The following KRT5 variants were observed in gnomAD, a reference collection of about 807,000 sequenced individuals.
KRT5 encodes the protein keratin, type II cytoskeletal 5.
KRT5 carries 17 observed loss-of-function variants against 44.0 expected under a neutral mutation model. The observed-to-expected ratio is 0.39, with a 90% CI of 0.26 to 0.58. The LOEUF is 0.58. Among genes scored for constraint, KRT5 ranks in the 20% least tolerant of loss-of-function variants. The probability of loss-of-function intolerance (pLI) is 0.61; values close to 1 mark genes in which losing one functional copy is unlikely to be tolerated. For synonymous variants in KRT5, 329 were observed against 312.8 expected, an observed-to-expected ratio of 1.05 and a Z score of -0.55; for missense variants, 737 against 785.5, an observed-to-expected ratio of 0.94 and a Z score of 0.74.
intron 6 of KRT5, 89 bp from the exon 7 acceptor site, chr12:52,516,946 A>T: frequency 6.5e-7 from 1 of 1,544,978 alleles, no homozygotes; most frequent in African/African-American, 1.4e-5. Flanking sequence ...AACTATCATG[A>T]ATCCCAGAGA....
In KRT5 at chr12:52,514,921, G is replaced by A. The variant is rs11549959; in HGVS notation, c.*21C>T. On this transcript the variant is annotated 3_prime_UTR_variant, in exon 9 of 9. Transcript: ENST00000252242. Reference sequence around the variant, plus strand: ...TGGGCTGGGTTGCTGCACTTGGAAGGCAGTGACTTGCAGCAGGTTCTTAGC... The same window carrying A: ...TGGGCTGGGTTGCTGCACTTGGAAGACAGTGACTTGCAGCAGGTTCTTAGC... The A allele has an allele frequency of 5.0e-6, 8 of 1,602,950 alleles. No homozygotes were observed. The South Asian group carries it at 8.8e-5, about 18-fold the overall frequency.
At chr12:52,517,851 AG>A (rs1938638502) in intron 4 of KRT5, 45 bp downstream of exon 4, 8 of 1,608,836 alleles carry the variant, frequency 5.0e-6, no homozygotes, top group Non-Finnish European at 6.8e-6. Context: ...TGACAACTTG[AG>A]GAAAAAAAAC....
chr12:52,515,976 G>T, intron 7 of KRT5, 144 bp from the exon 8 acceptor site: 1 of 722,368 alleles, frequency 1.4e-6, no homozygotes, highest in East Asian at 2.7e-5. Flanking sequence ...GTTAAAGGAA[G>T]GGAGAACTCT....
In KRT5 at chr12:52,519,815, A is replaced by T. The variant is rs58058996; in HGVS notation, c.482T>A (p.Ile161Asn). ...GCGCTCCTCGGTCCTCACCCTCTGGATGCTGGGGTCGATTTGCAGGTTGAG... is the reference window on the plus strand; with the variant it reads ...GCGCTCCTCGGTCCTCACCCTCTGGTTGCTGGGGTCGATTTGCAGGTTGAG... Reference protein sequence around the residue: ...TPLNLQIDPSIQRVRTEEREQ... With the variant: ...TPLNLQIDPSNQRVRTEEREQ... Residue 161 changes from isoleucine (I) to asparagine (N), a missense_variant, in exon 1 of 9, where the codon ATC becomes AAC. Around this residue, in one of 5 missense-constraint regions of KRT5, gnomAD observed 326 missense variants for 333.1 expected, o/e 0.98. Coordinates refer to ENST00000252242, the MANE Select transcript of KRT5 (RefSeq NM_000424.4). The T allele has an allele frequency of 6.2e-7, 1 of 1,613,920 alleles. No homozygotes were observed. The highest frequency in any genetic ancestry group is 8.5e-7 in the Non-Finnish European group (1 of 1,179,992).
chr12:52,515,339 C>A (rs763282283), intron 8 of KRT5, 99 bp from the exon 9 acceptor site: 21 of 1,527,810 alleles, frequency 1.4e-5, no homozygotes, highest in Admixed American at 1.7e-5. Context: ...CTCTACTGGA[C>A]CCCCTTTACA....
Position 52,520,110 on chromosome 12 carries a change from G to T in KRT5, c.187C>A (p.Arg63=). The change falls in exon 1 of 9, where the codon CGG becomes AGG. Residue 63 remains arginine (R), a synonymous_variant. Transcript: ENST00000252242. The part of the protein sequence containing the change: ...GACGVGGYGS[R]SLYNLGGSKR... ...GAGCCCCCCAGGTTGTAGAGGCTCC[G>T]GCTGCCATAGCCACCCACTCCACAA... The T allele has an allele frequency of 6.2e-7, 1 of 1,613,886 alleles. No homozygotes were observed. The highest frequency in any genetic ancestry group is 1.1e-5 in the South Asian group (1 of 91,074).
At position 52,519,946 on chromosome 12, in the gene KRT5, G is replaced by A. The variant is rs11549951; in HGVS notation, c.351C>T (p.Leu117=). The change falls in exon 1 of 9, where the codon CTC becomes CTT. Residue 117 remains leucine, a synonymous_variant. Coordinates refer to ENST00000252242, the MANE Select transcript of KRT5 (RefSeq NM_000424.4). The stretch of plus-strand genomic sequence containing the variant: ...CACCTCCAAAGCCAGCTCCGCCACC[G>A]AGCCCAAAGCCACCACCAGCTCCAC... ...FGGGAGGGFG[L]GGGAGFGGGF... 117,818 of 1,613,572 alleles carry A rather than the reference G, an allele frequency of 0.073. 4,806 individuals are homozygous for A. The highest frequency in any genetic ancestry group is 0.13 in the Middle Eastern group (804 of 6,062).
At position 52,520,243 on chromosome 12, in the gene KRT5, G is replaced by A; in HGVS notation, c.54C>T (p.Ser18=). The change falls in exon 1 of 9, where the codon AGC becomes AGT. Residue 18 remains serine (S), a synonymous_variant. Transcript: ENST00000252242. ...CAGACGGGGTGATGGCAGAGGCGGTGCTGAAGCTACGACTGCCCCCGCTCC... is the reference window on the plus strand; with the variant it reads ...CAGACGGGGTGATGGCAGAGGCGGTACTGAAGCTACGACTGCCCCCGCTCC... ...SFRSGGSRSF[S]TASAITPSVS... The A allele has an allele frequency of 6.2e-7, 1 of 1,613,954 alleles. No homozygotes were observed. The highest frequency in any genetic ancestry group is 8.5e-7 in the Non-Finnish European group (1 of 1,180,030).
intron 2 of KRT5, chr12:52,518,377 C>A (rs75732891): frequency 3.0e-6 from 2 of 674,828 alleles, no homozygotes; most frequent in Admixed American, 2.1e-5. Context: ...TATAATAATT[C>A]TATTATTGCT....
rs74093478 is a variant in KRT5, at chr12:52,520,141, C to A, written c.156G>T (p.Ala52=). 6.8e-6 allele frequency: 11 copies of A among 1,613,826 alleles called. No homozygotes were observed. Among genetic ancestry groups the A allele is most frequent in the African/African-American group, 5.3e-5 (4 of 74,894 alleles). Residue 52 remains alanine, a synonymous_variant, in exon 1 of 9, where the codon GCG becomes GCT. Transcript: ENST00000252242. ...GGGGFGRVSL[A]GACGVGGYGS... Reference sequence around the variant, plus strand: ...CATAGCCACCCACTCCACAAGCACCCGCAAGGCTGACCCTGCCGAAGCCAC... The same window carrying A: ...CATAGCCACCCACTCCACAAGCACCAGCAAGGCTGACCCTGCCGAAGCCAC...
At chr12:52,518,681 A>G (rs1423509089) in intron 2 of KRT5, among the ~76,000 whole-genome samples, 2 of 152,206 alleles carry the variant, frequency 1.3e-5, no homozygotes, top group Non-Finnish European at 2.9e-5. Flanking sequence ...ATCAGGGCAG[A>G]TTTCACCAGG....
In KRT5 at chr12:52,517,942, A is replaced by C. The variant is rs765031976; in HGVS notation, c.882T>G (p.Asp294Glu). Residue 294 changes from aspartate to glutamate, a missense_variant, in exon 4 of 9, where the codon GAT becomes GAG. Coordinates refer to ENST00000252242, the MANE Select transcript of KRT5 (RefSeq NM_000424.4). ...TGAAGTTAATCTCATCCATCAGTGC[A>C]TCAACCTTGGCCTCCAGCTCCACCT... ...MNKVELEAKV[D>E]ALMDEINFMK... The C allele has an allele frequency of 5.0e-6, 8 of 1,614,268 alleles. No homozygotes were observed. The highest frequency in any genetic ancestry group is 6.8e-6 in the Non-Finnish European group (8 of 1,180,040).
rs755300932 is a variant in KRT5, at chr12:52,517,183, T to C, written c.1142A>G (p.Asn381Ser). Residue 381 changes from asparagine (N) to serine (S), a missense_variant, in exon 6 of 9, where the codon AAC becomes AGC. Around this residue, in one of 5 missense-constraint regions of KRT5, gnomAD observed 344 missense variants for 351.6 expected, o/e 0.98. Transcript: ENST00000252242. ...CATCTCAGAGATCTCATGCTTGGTG[T>C]TGCGGAGGTCATCGCCATGCCGGCC... ...TAGRHGDDLR[N>S]TKHEISEMNR... 6.2e-7 allele frequency: 1 copy of C among 1,614,018 alleles called. No homozygotes were observed. Among genetic ancestry groups the C allele is most frequent in the Non-Finnish European group, 8.5e-7 (1 of 1,179,996 alleles).
At position 52,520,299 on chromosome 12, in the gene KRT5, T is replaced by C. The variant is rs530758856; in HGVS notation, c.-3A>G. On this transcript the variant is annotated 5_prime_UTR_variant, in exon 1 of 9. Coordinates refer to ENST00000252242, the MANE Select transcript of KRT5 (RefSeq NM_000424.4). The stretch of plus-strand genomic sequence containing the variant: ...GACACACTTGACTGGCGAGACATGG[T>C]GGCTTGTTCCTGGTGGAGCAAGAGA... 3 of 1,612,692 alleles carry C rather than the reference T, an allele frequency of 1.9e-6. No individual in the cohort carries two copies. In the South Asian group the frequency reaches 3.3e-5, roughly 18 times the overall value.
rs145442570 is a variant in KRT5, at chr12:52,515,178, C to T, written c.1537G>A (p.Gly513Ser). The change falls in exon 9 of 9, where the codon GGT becomes AGT. Residue 513 changes from glycine (G) to serine (S), a missense_variant. By Grantham distance (56) the Gly-to-Ser change is moderately conservative. This residue lies in a region of KRT5 where 344 missense variants were observed against 351.6 expected (regional missense o/e 0.98). Coordinates refer to ENST00000252242, the MANE Select transcript of KRT5 (RefSeq NM_000424.4). ...GSGSGYGGGL[G>S]GGLGGGLGGG... ...CCGAGGCCGCCGCCAAGACCTCCAC[C>T]GAGGCCACCGCCATAGCCACTGCCA... is the stretch of plus-strand genomic sequence containing the variant. 46 of 1,612,084 alleles carry T rather than the reference C, an allele frequency of 2.9e-5. No individual in the cohort carries two copies. The highest frequency in any genetic ancestry group is 3.6e-5 in the Non-Finnish European group (42 of 1,179,752).
rs568258080 is a variant in KRT5 at position 52,518,096 on chromosome 12, C to T, written c.831+7G>A. 2 of 1,614,086 alleles carry T rather than the reference C, an allele frequency of 1.2e-6. No individual in the cohort carries two copies. Among genetic ancestry groups the T allele is most frequent in the South Asian group, 1.1e-5 (1 of 91,086 alleles). ...CAGGCTGCTGGTTCTCTCCCACCCACACGCACCTTCTTCAGCATCACAAAC... is the reference window on the plus strand; with the variant it reads ...CAGGCTGCTGGTTCTCTCCCACCCATACGCACCTTCTTCAGCATCACAAAC... On this transcript the variant is annotated splice_region_variant and intron_variant, in intron 3 of 8. Transcript: ENST00000252242.
rs886049623 is a variant in KRT5 at position 52,514,622 on chromosome 12, A to T, written c.*320T>A. On this transcript the variant is annotated 3_prime_UTR_variant, in exon 9 of 9. Coordinates refer to ENST00000252242, the MANE Select transcript of KRT5 (RefSeq NM_000424.4). ...TGAACACATTCTGGAGGTAGTTAGAACCAAAACAAAATTTGGGATTGGGGT... is the reference window on the plus strand; with the variant it reads ...TGAACACATTCTGGAGGTAGTTAGATCCAAAACAAAATTTGGGATTGGGGT... 3.9e-5 allele frequency: 16 copies of T among 407,610 alleles called. No individual in the cohort carries two copies. The highest frequency in any genetic ancestry group is 6.4e-4 in the Middle Eastern group (1 of 1,558). The allele number at this position is 407,610 out of a possible 1,614,324, so 25.2% of individuals were successfully genotyped here.
In KRT5 at chr12:52,519,936, C is replaced by G; in HGVS notation, c.361G>C (p.Ala121Pro). The G allele has an allele frequency of 6.2e-7, 1 of 1,612,670 alleles. No homozygotes were observed. The highest frequency in any genetic ancestry group is 8.5e-7 in the Non-Finnish European group (1 of 1,179,160). Residue 121 changes from alanine (A) to proline (P), a missense_variant, in exon 1 of 9, where the codon GCT (alanine) becomes CCT (proline). Physicochemically the swap from Ala to Pro is conservative, Grantham distance 27. Coordinates refer to ENST00000252242, the MANE Select transcript of KRT5 (RefSeq NM_000424.4). ...AGGGFGLGGG[A>P]GFGGGFGGPG... Reference sequence around the variant, plus strand: ...CCACCGAAGCCACCTCCAAAGCCAGCTCCGCCACCGAGCCCAAAGCCACCA... The same window carrying G: ...CCACCGAAGCCACCTCCAAAGCCAGGTCCGCCACCGAGCCCAAAGCCACCA...
In KRT5 at chr12:52,519,974, C is replaced by T. The variant is rs764430671; in HGVS notation, c.323G>A (p.Gly108Asp). Reference protein sequence around the residue: ...GGGAGSGFGFGGGAGGGFGLG... With the variant: ...GGGAGSGFGFDGGAGGGFGLG... ...CCCAAAGCCACCACCAGCTCCACCG[C>T]CGAAACCAAATCCACTACCGGCACC... is the stretch of plus-strand genomic sequence containing the variant. Residue 108 changes from glycine (G) to aspartate (D), a missense_variant, in exon 1 of 9, where the codon GGC (glycine) becomes GAC (aspartate). Transcript: ENST00000252242. 1.9e-6 allele frequency: 3 copies of T among 1,612,812 alleles called. No individual in the cohort carries two copies. The highest frequency in any genetic ancestry group is 1.1e-5 in the South Asian group (1 of 90,910).
Sources: gnomAD v4.1 joint callset for allele counts (sites outside exome capture counted in the v4.1 genomes callset) on GRCh38, gnomAD v4.1.1 for gene constraint, gnomAD v4.1.1 regional missense constraint, MANE v1.5 for transcripts, NCBI Gene and HGNC (gene_info 2026-07-23, HGNC 2026-07-21) for gene names.